DIP2C: variants seen among roughly 807,000 people sequenced by gnomAD.
DIP2C encodes disco-interacting protein 2 homolog C.
In DIP2C, 33 loss-of-function variants were observed where a neutral mutation model predicts 192.4. The ratio of observed to expected loss-of-function variants is 0.17; its 90% CI spans 0.13 to 0.23. The LOEUF is 0.23. Among genes scored for constraint, DIP2C ranks in the 10% least tolerant of loss-of-function variants. The pLI, the probability that DIP2C is intolerant of heterozygous loss-of-function variation, is 1.00. For synonymous variants in DIP2C, 979 were observed against 864.1 expected, an observed-to-expected ratio of 1.13 and a Z score of -2.33; for missense variants, 1,537 against 2,110.1, an observed-to-expected ratio of 0.73 and a Z score of 5.32.
chr10:619,405 G>A (rs904759397), intron 1 of DIP2C, among the ~76,000 whole-genome samples: 4 of 152,170 alleles, frequency 2.6e-5, no homozygotes, highest in African/African-American at 7.2e-5. Flanking sequence ...GCCTCTAGAG[G>A]CTTCCGCATC....
chr10:656,278 GTATAC>G (rs1294673075), intron 1 of DIP2C, among the ~76,000 whole-genome samples: 4 of 151,810 alleles, frequency 2.6e-5, no homozygotes, highest in East Asian at 1.9e-4. Context: ...TTCTCCTATT[GTATAC>G]TATACTATAT....
intron 2 of DIP2C, among the ~76,000 whole-genome samples, chr10:485,391 T>C (rs1432946590): frequency 6.6e-6 from 1 of 152,136 alleles, no homozygotes; most frequent in Non-Finnish European, 1.5e-5. Flanking sequence ...GCCCCAGCAT[T>C]CCAGCCCAGC....
intron 13 of DIP2C, 127 bp downstream of exon 13, chr10:389,864 T>C: frequency 1.3e-6 from 1 of 749,556 alleles, no homozygotes. Flanking sequence ...AACAATAAGT[T>C]CATGTCAGCG....
At chr10:606,127 T>C (rs1267536111) in intron 1 of DIP2C, among the ~76,000 whole-genome samples, 1 of 152,298 alleles carries the variant, frequency 6.6e-6, no homozygotes. Flanking sequence ...CGAACCCGTT[T>C]CTCCTCGCGC....
chr10:435,380 C>G (rs1967095110), intron 4 of DIP2C, among the ~76,000 whole-genome samples: 1 of 152,188 alleles, frequency 6.6e-6, no homozygotes, highest in African/African-American at 2.4e-5. Context: ...GGATTCTTCC[C>G]TGATATTTAC....
At chr10:406,245 A>C (rs1383278342) in intron 9 of DIP2C, among the ~76,000 whole-genome samples, 2 of 152,240 alleles carry the variant, frequency 1.3e-5, no homozygotes, top group Admixed American at 1.3e-4. Flanking sequence ...GGTAACACAA[A>C]ATTTACGATT....
chr10:417,039 T>G (rs1356480436), intron 6 of DIP2C, among the ~76,000 whole-genome samples: 2 of 152,226 alleles, frequency 1.3e-5, no homozygotes, highest in Non-Finnish European at 2.9e-5. Context: ...ATTGAGACAT[T>G]AAATATTTCA....
Position 398,743 on chromosome 10 carries a change from T to C in DIP2C, c.1260+366A>G, listed in dbSNP as rs1468099806. ...AACCTGACAAATCATAGGTCAACCT[T>C]GGACTGGATGTCAAAACACCTGAAC... On this transcript the variant is annotated intron_variant, in intron 10 of 36. Coordinates refer to ENST00000280886, the MANE Select transcript of DIP2C (RefSeq NM_014974.3). Among the ~76,000 whole-genome samples the C allele has an allele frequency of 3.3e-5, 5 of 152,204 alleles. 1 individual carries two copies. The highest frequency in any genetic ancestry group is 1.2e-4 in the African/African-American group (5 of 41,458).
rs148727499 is a variant in DIP2C at position 500,966 on chromosome 10, G to A, written c.86-14436C>T. ...CTTGTAGTTAATTTAAGAGGCCTGAGGTTTTCTTTTGGAGAGCGGAGGGGG... is the reference window on the plus strand; with the variant it reads ...CTTGTAGTTAATTTAAGAGGCCTGAAGTTTTCTTTTGGAGAGCGGAGGGGG... On this transcript the variant is annotated intron_variant, in intron 1 of 36. Coordinates refer to ENST00000280886, the MANE Select transcript of DIP2C (RefSeq NM_014974.3). Among the ~76,000 whole-genome samples, 569 of 152,334 alleles carry A rather than the reference G, an allele frequency of 3.7e-3. 6 individuals are homozygous for A. The highest frequency in any genetic ancestry group is 0.013 in the African/African-American group (540 of 41,582).
chr10:578,973 C>T (rs1850372158), intron 1 of DIP2C, among the ~76,000 whole-genome samples: 2 of 152,046 alleles, frequency 1.3e-5, no homozygotes, highest in South Asian at 2.1e-4. Flanking sequence ...CATCCAGATC[C>T]ATGTAGTGTA....
intron 1 of DIP2C, among the ~76,000 whole-genome samples, chr10:548,483 T>G (rs816648): frequency 5.2e-5 from 7 of 135,812 alleles, no homozygotes; most frequent in South Asian, 2.7e-4. Flanking sequence ...AGGCAGGCAG[T>G]GAGGCCAGAG....
At chr10:290,378 A>T (rs1487616159) in intron 32 of DIP2C, among the ~76,000 whole-genome samples, 1 of 152,254 alleles carries the variant, frequency 6.6e-6, no homozygotes, top group East Asian at 1.9e-4. Flanking sequence ...TGGTAGCATT[A>T]TGCTAATTCA....
intron 1 of DIP2C, among the ~76,000 whole-genome samples, chr10:536,443 G>A (rs1847699688): frequency 6.6e-6 from 1 of 152,104 alleles, no homozygotes; most frequent in African/African-American, 2.4e-5. Context: ...CACAGTCCCG[G>A]GGGCTAGAGT....
At chr10:650,849 G>T in intron 1 of DIP2C, 1 of 716,372 alleles carries the variant, frequency 1.4e-6, no homozygotes. Flanking sequence ...CCCCACTTGT[G>T]AGAGGTCCGT....
intron 5 of DIP2C, among the ~76,000 whole-genome samples, chr10:420,912 T>C (rs1966138477): frequency 6.6e-6 from 1 of 152,196 alleles, no homozygotes; most frequent in African/African-American, 2.4e-5. Context: ...CCATCTGTTG[T>C]GCTTGGACTC....
At chr10:422,210 A>C (rs1295722662) in intron 5 of DIP2C, among the ~76,000 whole-genome samples, 1 of 152,188 alleles carries the variant, frequency 6.6e-6, no homozygotes, top group Non-Finnish European at 1.5e-5. Context: ...GATGAAAAAC[A>C]TTTACTACTG....
chr10:357,174 T>A (rs1959121101), intron 23 of DIP2C, among the ~76,000 whole-genome samples: 1 of 152,218 alleles, frequency 6.6e-6, no homozygotes, highest in African/African-American at 2.4e-5. Flanking sequence ...GGGCACACTT[T>A]TGGCTGTGGG....
At chr10:552,342 G>T (rs1334323120) in intron 1 of DIP2C, among the ~76,000 whole-genome samples, 1 of 152,222 alleles carries the variant, frequency 6.6e-6, no homozygotes, top group East Asian at 1.9e-4. Flanking sequence ...TCTATTTCAG[G>T]AACGGTGCTT....
At chr10:285,592 C>A (rs546453909) in intron 34 of DIP2C, among the ~76,000 whole-genome samples, 5 of 152,214 alleles carry the variant, frequency 3.3e-5, no homozygotes, top group Admixed American at 6.5e-5. Flanking sequence ...AGAGAGAATG[C>A]GGCGGAAGGA....
Sources: gnomAD v4.1 joint callset for allele counts (sites outside exome capture counted in the v4.1 genomes callset) on GRCh38, gnomAD v4.1.1 for gene constraint, MANE v1.5 for transcripts, NCBI Gene and HGNC (gene_info 2026-07-23, HGNC 2026-07-21) for gene names.